MAN1B1: variants seen among roughly 807,000 people sequenced by gnomAD.
The protein encoded by MAN1B1 is endoplasmic reticulum mannosyl-oligosaccharide 1,2-alpha-mannosidase.
MAN1B1 carries 66 observed loss-of-function variants against 75.5 expected under a neutral mutation model. The observed-to-expected ratio is 0.87, with a 90% CI of 0.72 to 1.07. The LOEUF is 1.07. Among genes scored for constraint, MAN1B1 ranks in the 50% least tolerant of loss-of-function variants. MAN1B1 has a pLI of 0.00. For missense variants in MAN1B1, 973 were observed against 912.5 expected (o/e 1.07, Z -0.85); for synonymous variants, 453 against 382.8 (o/e 1.18, Z -2.14).
chr9:137,092,161 G>A (rs1830532646), intron 3 of MAN1B1, among the ~76,000 whole-genome samples: 1 of 151,636 alleles, frequency 6.6e-6, no homozygotes, highest in Non-Finnish European at 1.5e-5. Flanking sequence ...GATTGCTTAC[G>A]CCCAGTCTGG....
At position 137,108,466 on chromosome 9, in the gene MAN1B1, T is replaced by G. The variant is rs996144759; in HGVS notation, c.1975T>G (p.Phe659Val). The change falls in exon 13 of 13, where the codon TTC becomes GTC. Residue 659 changes from phenylalanine to valine, a missense_variant. Physicochemically the swap from Phe to Val is conservative, Grantham distance 50 (BLOSUM62 -1). Transcript: ENST00000371589. ...KPEPRDKMESFFLGETLKYLF... is the reference protein window; with the variant it reads ...KPEPRDKMESVFLGETLKYLF... ...CGAGCCTAGGGACAAGATGGAGAGC[T>G]TCTTCCTGGGGGAGACGCTCAAGTA... 6.2e-7 allele frequency: 1 copy of G among 1,613,928 alleles called. No individual in the cohort carries two copies. Among genetic ancestry groups the G allele is most frequent in the Non-Finnish European group, 8.5e-7 (1 of 1,179,970 alleles).
chr9:137,109,022 C>T lies in MAN1B1; in HGVS notation c.*431C>T. The T allele has an allele frequency of 2.2e-6, 1 of 459,370 alleles. No homozygotes were observed. Among genetic ancestry groups the T allele is most frequent in the South Asian group, 1.5e-5 (1 of 64,564 alleles). 28.5% of individuals were successfully genotyped at this position (459,370 alleles called of 1,614,324 possible). On this transcript the variant is annotated 3_prime_UTR_variant, in exon 13 of 13. Coordinates refer to ENST00000371589, the MANE Select transcript of MAN1B1 (RefSeq NM_016219.5). ...GAGGGGCTGCCGTGACTCCAGAGGC[C>T]TGAGGCTCCAGGGCTGGCTCTGGTG...
In MAN1B1 at chr9:137,107,297, C is replaced by A; in HGVS notation, c.1614C>A (p.Tyr538Ter). 4.3e-6 allele frequency: 7 copies of A among 1,613,126 alleles called. No individual in the cohort carries two copies. The highest frequency in any genetic ancestry group is 5.9e-6 in the Non-Finnish European group (7 of 1,179,996). The change falls in exon 11 of 13, where the codon TAC (tyrosine) becomes TAA (stop). Residue 538 changes from tyrosine (Y) to a stop codon, truncating the protein, a stop_gained. Coordinates refer to ENST00000371589, the MANE Select transcript of MAN1B1 (RefSeq NM_016219.5). LOFTEE classifies it high-confidence loss of function. ...CAGGGACGCTGGCTCTGGGCGTCTACCACGGCCTGCCCGCCAGCCACATGG... is the reference window on the plus strand; with the variant it reads ...CAGGGACGCTGGCTCTGGGCGTCTAACACGGCCTGCCCGCCAGCCACATGG... ...FLPGTLALGV[Y>*]HGLPASHMEL...
At position 137,088,904 on chromosome 9, in the gene MAN1B1, A is replaced by T. The variant is rs919921405; in HGVS notation, c.364A>T (p.Arg122Trp). Residue 122 changes from arginine to tryptophan, a missense_variant, in exon 3 of 13, where the codon AGG (arginine) becomes TGG (tryptophan). Physicochemically the swap from Arg to Trp is moderately radical, Grantham distance 101 (BLOSUM62 -3). Transcript: ENST00000371589. Reference protein sequence around the residue: ...AFRLEEEQKMRPEIAGLKPAN... With the variant: ...AFRLEEEQKMWPEIAGLKPAN... Reference sequence around the variant, plus strand: ...CAGGCTAGAGGAAGAGCAGAAGATGAGGCCAGAAATTGCTGGGTTAAAACC... The same window carrying T: ...CAGGCTAGAGGAAGAGCAGAAGATGTGGCCAGAAATTGCTGGGTTAAAACC... 4.3e-6 allele frequency: 7 copies of T among 1,614,022 alleles called. No individual in the cohort carries two copies. The highest frequency in any genetic ancestry group is 5.9e-6 in the Non-Finnish European group (7 of 1,180,042).
intron 3 of MAN1B1, chr9:137,094,404 G>A (rs756109663): frequency 4.0e-6 from 2 of 503,360 alleles, no homozygotes; most frequent in Non-Finnish European, 7.9e-6. Context: ...CAATAGCAGG[G>A]AGATGAAGAG....
In MAN1B1 at chr9:137,108,767, C is replaced by T. The variant is rs770533678; in HGVS notation, c.*176C>T. 3.1e-5 allele frequency: 22 copies of T among 719,586 alleles called. No individual in the cohort carries two copies. Among genetic ancestry groups the T allele is most frequent in the Non-Finnish European group, 5.2e-5 (21 of 400,314 alleles). 44.6% of individuals were successfully genotyped at this position (719,586 alleles called of 1,614,324 possible). On this transcript the variant is annotated 3_prime_UTR_variant, in exon 13 of 13. Coordinates refer to ENST00000371589, the MANE Select transcript of MAN1B1 (RefSeq NM_016219.5). ...AGGACACCGTGAGGACAAGTGAGGCCGTCAGTCTTGGTGTGATGCGGGGTG... is the reference window on the plus strand; with the variant it reads ...AGGACACCGTGAGGACAAGTGAGGCTGTCAGTCTTGGTGTGATGCGGGGTG...
intron 8 of MAN1B1, chr9:137,103,041 C>G (rs1588626148): frequency 7.5e-6 from 3 of 400,828 alleles, no homozygotes; most frequent in East Asian, 8.5e-5. Context: ...TACATTCACA[C>G]TGTTGCAGGC....
In MAN1B1 at chr9:137,098,853, G is replaced by A. The variant is rs201123133; in HGVS notation, c.731-843G>A. ...AGGCCCCATCTCTACAAAAAAAAAA[G>A]AAATTTATATATATGTGTATATTTG... On this transcript the variant is annotated intron_variant, in intron 5 of 12. Coordinates refer to ENST00000371589, the MANE Select transcript of MAN1B1 (RefSeq NM_016219.5). Among the ~76,000 whole-genome samples, 752 of 151,970 alleles carry A rather than the reference G, an allele frequency of 4.9e-3. 4 individuals carry two copies. The highest frequency in any genetic ancestry group is 8.9e-3 in the East Asian group (46 of 5,176).
At chr9:137,094,431 C>T in intron 3 of MAN1B1, 2 of 494,286 alleles carry the variant, frequency 4.0e-6, no homozygotes, top group South Asian at 2.9e-5. Flanking sequence ...GATTGCATGA[C>T]CTGGTGGAGA....
At chr9:137,087,511 C>G in intron 1 of MAN1B1, 1 of 628,254 alleles carries the variant, frequency 1.6e-6, no homozygotes, top group Non-Finnish European at 3.0e-6. Flanking sequence ...CTGGCCCAGG[C>G]GCCTGCCCCT....
In MAN1B1 at chr9:137,109,071, C is replaced by A. The variant is rs1457365215; in HGVS notation, c.*480C>A. 1 of 454,622 alleles carries A rather than the reference C, an allele frequency of 2.2e-6. No homozygotes were observed. The highest frequency in any genetic ancestry group is 2.4e-5 in the Admixed American group (1 of 42,440). The allele number at this position is 454,622 out of a possible 1,614,324, so 28.2% of individuals were successfully genotyped here. ...TGTTTACAAGCTGGACTCAGGGATCCTCCTGGCCGCCCCGCAGGGGGCTTG... is the reference window on the plus strand; with the variant it reads ...TGTTTACAAGCTGGACTCAGGGATCATCCTGGCCGCCCCGCAGGGGGCTTG... On this transcript the variant is annotated 3_prime_UTR_variant, in exon 13 of 13. Coordinates refer to ENST00000371589, the MANE Select transcript of MAN1B1 (RefSeq NM_016219.5).
chr9:137,102,544 GGT>G (rs200372583), intron 8 of MAN1B1: 1 of 423,270 alleles, frequency 2.4e-6, no homozygotes, highest in East Asian at 7.0e-5. Context: ...GCAGGTCGGT[GGT>G]GTTACACACA....
chr9:137,096,942 C>G (rs754226300), intron 4 of MAN1B1, among the ~76,000 whole-genome samples: 1 of 152,250 alleles, frequency 6.6e-6, no homozygotes, highest in African/African-American at 2.4e-5. Context: ...CGTCCTCTCT[C>G]TTCTACAAAG....
rs373430024 is a variant in MAN1B1, at chr9:137,096,357, C to T, written c.586C>T (p.Arg196Cys). ...TKRQEAPVDP[R>C]PEGDPQRTVI... is the part of the protein sequence containing the mutation. ...AAGGCAAGAAGCCCCTGTGGATCCCCGCCCGGAAGGAGATCCGCAGAGGAC... is the reference window on the plus strand; with the variant it reads ...AAGGCAAGAAGCCCCTGTGGATCCCTGCCCGGAAGGAGATCCGCAGAGGAC... The change falls in exon 4 of 13, where the codon CGC becomes TGC. Residue 196 changes from arginine to cysteine, a missense_variant. Transcript: ENST00000371589. 177 of 1,613,872 alleles carry T rather than the reference C, an allele frequency of 1.1e-4. No homozygotes were observed. Among genetic ancestry groups the T allele is most frequent in the Non-Finnish European group, 1.4e-4 (166 of 1,179,984 alleles).
intron 1 of MAN1B1, 131 bp downstream of exon 1, chr9:137,087,349 CA>C (rs1490173052): frequency 6.6e-6 from 7 of 1,062,570 alleles, no homozygotes; most frequent in South Asian, 1.5e-5. Context: ...CCCTTCCCCG[CA>C]AAAAGGGGCA....
At chr9:137,092,484 A>G (rs184906510) in intron 3 of MAN1B1, among the ~76,000 whole-genome samples, 1 of 152,326 alleles carries the variant, frequency 6.6e-6, no homozygotes, top group African/African-American at 2.4e-5. Context: ...TTTTTTATGC[A>G]CATGAGAATA....
Position 137,101,035 on chromosome 9 carries a change from A to G in MAN1B1, c.947A>G (p.Lys316Arg). The change falls in exon 7 of 13, where the codon AAG becomes AGG. Residue 316 changes from lysine (K) to arginine (R), a missense_variant. Physicochemically the swap from Lys to Arg is conservative, Grantham distance 26. Transcript: ENST00000371589. ...GAGGAAGCCAGGAAGTGGGTGTCGA[A>G]GAAGTTACACTTTGAAAAGGACGTG... ...EFEEARKWVS[K>R]KLHFEKDVDV... 1 of 1,614,222 alleles carries G rather than the reference A, an allele frequency of 6.2e-7. No homozygotes were observed. The highest frequency in any genetic ancestry group is 8.5e-7 in the Non-Finnish European group (1 of 1,180,042).
At chr9:137,089,709 C>T (rs1830469839) in intron 3 of MAN1B1, among the ~76,000 whole-genome samples, 1 of 152,094 alleles carries the variant, frequency 6.6e-6, no homozygotes, top group African/African-American at 2.4e-5. Context: ...CAGTGGAGGG[C>T]AGGAGGCCAG....
At position 137,107,516 on chromosome 9, in the gene MAN1B1, C is replaced by T; in HGVS notation, c.1765-15C>T. On this transcript the variant is annotated splice_polypyrimidine_tract_variant and intron_variant, in intron 11 of 12. Transcript: ENST00000371589. ...GGCAGGGCTGGCCTTGCCCTGAGCT[C>T]TGCTCCGCCCACAGCCAGCAGACAG... 1 of 1,612,992 alleles carries T rather than the reference C, an allele frequency of 6.2e-7. No homozygotes were observed. Among genetic ancestry groups the T allele is most frequent in the South Asian group, 1.1e-5 (1 of 91,086 alleles).
Sources: allele counts gnomAD v4.1 joint callset (sites outside exome capture counted in the v4.1 genomes callset), GRCh38; gene constraint gnomAD v4.1.1; transcripts MANE v1.5; gene names NCBI Gene and HGNC (gene_info 2026-07-23, HGNC 2026-07-21).